Variants in GALT observed in about 807,000 individuals in gnomAD.
The protein encoded by GALT is UDP-glucose--hexose-1-phosphate uridylyltransferase.
GALT carries 42 observed loss-of-function variants against 55.4 expected under a neutral mutation model. The observed-to-expected ratio is 0.76, with a 90% CI of 0.59 to 0.98. The LOEUF (loss-of-function observed/expected upper bound fraction) is 0.98, where lower values mean the gene tolerates loss of function less well. Ranked by LOEUF, GALT falls within the 50% of genes least tolerant of loss-of-function variation. GALT has a pLI of 0.00. For missense variants in GALT, 407 were observed against 495.7 expected (o/e 0.82, Z 1.70); for synonymous variants, 154 against 181.5 (o/e 0.85, Z 1.22).
rs868544256 is a variant in GALT, at chr9:34,646,877, C to T, written c.82+91C>T. On this transcript the variant is annotated intron_variant, in intron 1 of 10. Coordinates refer to ENST00000378842, the MANE Select transcript of GALT (RefSeq NM_000155.4). Reference sequence around the variant, plus strand: ...TTCGTCCCCTCCGAAGGTTGGAACGCTCATCCCGAGCCAGACCGACAAGGC... The same window carrying T: ...TTCGTCCCCTCCGAAGGTTGGAACGTTCATCCCGAGCCAGACCGACAAGGC... The T allele has an allele frequency of 4.4e-6, 7 of 1,608,412 alleles. No homozygotes were observed. In the Middle Eastern group the frequency reaches 6.6e-4, roughly 152 times the overall value.
At chr9:34,649,374 GCT>G in intron 9 of GALT, 34 bp from the exon 10 acceptor site, 1 of 1,613,540 alleles carries the variant, frequency 6.2e-7, no homozygotes, top group Non-Finnish European at 8.5e-7. Flanking sequence ...CTGTAAAAGG[GCT>G]CTCTCTCCCC....
chr9:34,649,556 C>A lies in GALT; in HGVS notation c.1051C>A (p.Pro351Thr). 1 of 1,614,198 alleles carries A rather than the reference C, an allele frequency of 6.2e-7. No homozygotes were observed. Among genetic ancestry groups the A allele is most frequent in the Non-Finnish European group, 8.5e-7 (1 of 1,180,038 alleles). Residue 351 changes from proline (P) to threonine (T), a missense_variant, in exon 10 of 11, where the codon CCT becomes ACT. Transcript: ENST00000378842. Reference protein sequence around the residue: ...MLAQAQRDLTPEQAAERLRAL... With the variant: ...MLAQAQRDLTTEQAAERLRAL... ...TGCTCAGGCTCAGAGGGACCTCACC[C>A]CTGAGCAGGTCAGGACTCAGAACAG...
intron 1 of GALT, 60 bp downstream of exon 1, chr9:34,646,846 G>T (rs1821115208): frequency 1.2e-5 from 20 of 1,611,542 alleles, no homozygotes; most frequent in Non-Finnish European, 1.7e-5. Flanking sequence ...CCTTCCTTAG[G>T]AAGCTTTCGT....
Position 34,647,055 on chromosome 9 carries a change from GCT to G in GALT, c.83-31_83-30del. On this transcript the variant is annotated intron_variant, in intron 1 of 10. Transcript: ENST00000378842. The surrounding 1 kb of genome is among the most constrained non-coding windows in gnomAD (Gnocchi z 5.6). ...GACCCAGGAGAGAGGGAGCTAGAGA[GCT>G]CTGAGGACTGATCTTGACTGTCTGC... The G allele has an allele frequency of 6.2e-7, 1 of 1,614,024 alleles. No homozygotes were observed. Among genetic ancestry groups the G allele is most frequent in the Non-Finnish European group, 8.5e-7 (1 of 1,180,016 alleles).
At position 34,648,306 on chromosome 9, in the gene GALT, G is replaced by A. The variant is rs754930588; in HGVS notation, c.565-28G>A. The stretch of plus-strand genomic sequence containing the variant: ...AGGCTTGGAGGTAAAGGACCTGCCT[G>A]TTCTTCTCTGCTTTTGCCCCTTGAC... On this transcript the variant is annotated intron_variant, in intron 6 of 10. Coordinates refer to ENST00000378842, the MANE Select transcript of GALT (RefSeq NM_000155.4). The surrounding 1 kb of genome is among the most constrained non-coding windows in gnomAD (Gnocchi z 4.9). The A allele has an allele frequency of 1.2e-6, 2 of 1,614,080 alleles. No homozygotes were observed. The highest frequency in any genetic ancestry group is 2.2e-5 in the East Asian group (1 of 44,882).
chr9:34,649,621 A>AACAGAAGTATCAGGTG, intron 10 of GALT, 57 bp downstream of exon 10: 1 of 1,589,964 alleles, frequency 6.3e-7, no homozygotes, highest in Non-Finnish European at 8.6e-7. Flanking sequence ...ATGTGCAGGC[A>AACAGAAGTATCAGGTG]CCTGATACTT....
rs377589017 is a variant in GALT, at chr9:34,648,200, T to C, written c.564+29T>C. ...AGGGTGTCAGGGGCTCCAGTGGGTT[T>C]CTTGGCTGAGTCTGAGCCAGCACTG... is the stretch of plus-strand genomic sequence containing the variant. On this transcript the variant is annotated intron_variant, in intron 6 of 10. Transcript: ENST00000378842. The surrounding 1 kb of genome is among the most constrained non-coding windows in gnomAD (Gnocchi z 4.9). The C allele has an allele frequency of 1.9e-6, 3 of 1,613,926 alleles. No homozygotes were observed. The African/African-American group carries it at 4.0e-5, about 22-fold the overall frequency.
chr9:34,649,623 CT>C, intron 10 of GALT, 59 bp downstream of exon 10: 3 of 1,584,420 alleles, frequency 1.9e-6, no homozygotes, highest in Non-Finnish European at 2.6e-6. Flanking sequence ...GTGCAGGCAC[CT>C]GATACTTCTG....
chr9:34,648,889 G>A lies in GALT; in HGVS notation c.815G>A (p.Arg272His), dbSNP rs111033831. Reference protein sequence around the residue: ...RRLPELTPAERDDLASIMKKL... With the variant: ...RRLPELTPAEHDDLASIMKKL... ...CTACCTGAGCTGACCCCTGCTGAGC[G>A]TGATGGTCAGTCTCCCAAGTAGGAT... Residue 272 changes from arginine to histidine, a missense_variant, in exon 8 of 11, where the codon CGT (arginine) becomes CAT (histidine). Transcript: ENST00000378842. This position sits in a 1 kb window ranked among gnomAD's most constrained non-coding sequence, Gnocchi z 4.9. 10 of 1,613,344 alleles carry A rather than the reference G, an allele frequency of 6.2e-6. No homozygotes were observed. The highest frequency in any genetic ancestry group is 4.0e-5 in the African/African-American group (3 of 75,050).
At chr9:34,650,308 T>C (rs1587241621) in intron 10 of GALT, 61 bp from the exon 11 acceptor site, 3 of 914,446 alleles carry the variant, frequency 3.3e-6, no homozygotes, top group African/African-American at 3.8e-5. Context: ...ATGAAGTCCA[T>C]GCCACCATTC....
chr9:34,648,706 C>T lies in GALT; in HGVS notation c.688-56C>T. On this transcript the variant is annotated intron_variant, in intron 7 of 10. Transcript: ENST00000378842. The surrounding 1 kb of genome is among the most constrained non-coding windows in gnomAD (Gnocchi z 4.9). ...TCTGCTTCCCTTGCCTATTTGCTGACCACACTCCGGCTCCTATGTCACCTT... is the reference window on the plus strand; with the variant it reads ...TCTGCTTCCCTTGCCTATTTGCTGATCACACTCCGGCTCCTATGTCACCTT... 1.9e-6 allele frequency: 3 copies of T among 1,607,818 alleles called. No individual in the cohort carries two copies. The South Asian group carries it at 3.3e-5, about 18-fold the overall frequency.
Position 34,648,089 on chromosome 9 carries a change from C to T in GALT, c.508-26C>T, listed in dbSNP as rs760101824. On this transcript the variant is annotated intron_variant, in intron 5 of 10. Coordinates refer to ENST00000378842, the MANE Select transcript of GALT (RefSeq NM_000155.4). This position sits in a 1 kb window ranked among gnomAD's most constrained non-coding sequence, Gnocchi z 4.9. ...AGTTGACTTGGTGTCTTTTGGCTAACAGAGCTCCGTATCCCTATCTGATAG... is the reference window on the plus strand; with the variant it reads ...AGTTGACTTGGTGTCTTTTGGCTAATAGAGCTCCGTATCCCTATCTGATAG... The T allele has an allele frequency of 2.5e-6, 4 of 1,614,154 alleles. No homozygotes were observed. The highest frequency in any genetic ancestry group is 3.4e-6 in the Non-Finnish European group (4 of 1,180,022).
chr9:34,648,268 GCCAATGATGTGGA>G lies in GALT; in HGVS notation c.565-65_565-53del. ...TTAATGGATGGGACAGAGGAAATAT[GCCAATGATGTGGA>G]GGCTTGGAGGTAAAGGACCTGCCTG... On this transcript the variant is annotated intron_variant, in intron 6 of 10. Transcript: ENST00000378842. The surrounding 1 kb of genome is among the most constrained non-coding windows in gnomAD (Gnocchi z 4.9). 6.2e-7 allele frequency: 1 copy of G among 1,613,798 alleles called. No homozygotes were observed. The highest frequency in any genetic ancestry group is 8.5e-7 in the Non-Finnish European group (1 of 1,180,034).
rs553769637 is a variant in GALT, at chr9:34,648,437, G to A, written c.668G>A (p.Arg223His). ...HGEPLLMEYS[R>H]QELLRKERLV... ...GAGCCCCTGCTAATGGAGTACAGCC[G>A]CCAGGAGCTACTCAGGAAGGTGGGA... Residue 223 changes from arginine (R) to histidine (H), a missense_variant, in exon 7 of 11, where the codon CGC becomes CAC. Coordinates refer to ENST00000378842, the MANE Select transcript of GALT (RefSeq NM_000155.4). The surrounding 1 kb of genome is among the most constrained non-coding windows in gnomAD (Gnocchi z 4.9). The A allele has an allele frequency of 2.0e-5, 32 of 1,614,128 alleles. No individual in the cohort carries two copies. Among genetic ancestry groups the A allele is most frequent in the South Asian group, 3.3e-5 (3 of 91,078 alleles).
At position 34,646,902 on chromosome 9, in the gene GALT, C is replaced by T. The variant is rs929772152; in HGVS notation, c.82+116C>T. On this transcript the variant is annotated intron_variant, in intron 1 of 10. Transcript: ENST00000378842. Reference sequence around the variant, plus strand: ...CTCATCCCGAGCCAGACCGACAAGGCGTACAGTCTGCAGGCCTGTACGAGC... The same window carrying T: ...CTCATCCCGAGCCAGACCGACAAGGTGTACAGTCTGCAGGCCTGTACGAGC... 39 of 1,607,446 alleles carry T rather than the reference C, an allele frequency of 2.4e-5. No individual in the cohort carries two copies. The African/African-American group carries it at 4.7e-4, about 19-fold the overall frequency.
intron 10 of GALT, chr9:34,650,095 CAT>C (rs894365332): frequency 7.1e-5 from 31 of 435,442 alleles, no homozygotes; most frequent in African/African-American, 6.0e-4. Flanking sequence ...GCCTGGGAAA[CAT>C]AGGAAGCCCT....
intron 10 of GALT, chr9:34,649,827 C>T: frequency 2.1e-6 from 1 of 477,048 alleles, no homozygotes; most frequent in Non-Finnish European, 3.8e-6. Context: ...CCTTGGGACT[C>T]AGGAGCTGCT....
chr9:34,646,711 C>T lies in GALT; in HGVS notation c.7C>T (p.Arg3Cys), dbSNP rs1821109915. 2 of 1,613,632 alleles carry T rather than the reference C, an allele frequency of 1.2e-6. No homozygotes were observed. Among genetic ancestry groups the T allele is most frequent in the Non-Finnish European group, 1.7e-6 (2 of 1,179,988 alleles). The change falls in exon 1 of 11, where the codon CGC (arginine) becomes TGC (cysteine). Residue 3 changes from arginine to cysteine, a missense_variant. Transcript: ENST00000378842. ...CGGATCCCCCGGTGGCCTCATGTCG[C>T]GCAGTGGAACCGATCCTCAGCAACG... MSRSGTDPQQRQQ... is the reference protein window; with the variant it reads MSCSGTDPQQRQQ...
chr9:34,646,904 T>A, intron 1 of GALT, 118 bp downstream of exon 1: 1 of 1,608,166 alleles, frequency 6.2e-7, no homozygotes. Flanking sequence ...CGACAAGGCG[T>A]ACAGTCTGCA....
Sources: gnomAD v4.1 joint callset for allele counts on GRCh38, gnomAD v4.1.1 for gene constraint, Gnocchi (gnomAD v3.1) non-coding constraint, MANE v1.5 for transcripts, NCBI Gene and HGNC (gene_info 2026-07-23, HGNC 2026-07-21) for gene names.